The following NF2 variants were observed in gnomAD, a reference collection of about 807,000 sequenced individuals.
NF2 encodes the protein NF2, moesin-ezrin-radixin like (MERLIN) tumor suppressor, also known as merlin.
Under a neutral mutation model 83.7 loss-of-function variants are expected in NF2, and 8 were observed. The observed-to-expected ratio is 0.10, with a 90% CI of 0.06 to 0.17. The LOEUF (loss-of-function observed/expected upper bound fraction) is 0.17. Ranked by LOEUF, NF2 falls within the 10% of genes least tolerant of loss-of-function variation. The pLI is 1.00. For synonymous variants in NF2, 266 were observed against 269.6 expected (o/e 0.99, Z 0.13); for missense variants, 533 against 744.4 (o/e 0.72, Z 3.31).
At position 29,697,418 on chromosome 22, in the gene NF2, G is replaced by T. The variant is rs904757908; in HGVS notation, c.*2616G>T. The T allele has an allele frequency of 6.3e-5, 12 of 191,652 alleles. No individual in the cohort carries two copies. The highest frequency in any genetic ancestry group is 2.6e-4 in the African/African-American group (11 of 43,044). The allele number at this position is 191,652 out of a possible 1,614,324, so 11.9% of individuals were successfully genotyped here. ...CCAGGAGCACTTCCCCCTCCTTGAG[G>T]CAGGAATACTGAGGTGCCTCCCCAC... On this transcript the variant is annotated 3_prime_UTR_variant, in exon 16 of 16. Coordinates refer to ENST00000338641, the MANE Select transcript of NF2 (RefSeq NM_000268.4).
In NF2 at chr22:29,655,670, G is replaced by A. The variant is rs2146973900; in HGVS notation, c.593G>A (p.Arg198Gln). The A allele has an allele frequency of 3.1e-6, 5 of 1,612,602 alleles. No individual in the cohort carries two copies. The highest frequency in any genetic ancestry group is 4.2e-6 in the Non-Finnish European group (5 of 1,179,390). ...ITAWYAEHRGRARDEAEMEYL... is the reference protein window; with the variant it reads ...ITAWYAEHRGQARDEAEMEYL... ...GCTTGGTACGCAGAGCACCGAGGCC[G>A]AGCCAGGTGAGGCCCATTCATTGTT... Residue 198 changes from arginine (R) to glutamine (Q), a missense_variant, in exon 6 of 16, where the codon CGA (arginine) becomes CAA (glutamine). This residue lies in a region of NF2 where 326 missense variants were observed against 475.1 expected (regional missense o/e 0.69). Coordinates refer to ENST00000338641, the MANE Select transcript of NF2 (RefSeq NM_000268.4).
At chr22:29,668,280 C>A in intron 9 of NF2, 53 bp from the exon 10 acceptor site, 1 of 1,321,762 alleles carries the variant, frequency 7.6e-7, no homozygotes. Context: ...GGCCAGTAGG[C>A]AGTGAAGTAA....
intron 1 of NF2, among the ~76,000 whole-genome samples, chr22:29,615,017 C>CT (rs937899122): frequency 6.6e-6 from 1 of 152,068 alleles, no homozygotes; most frequent in African/African-American, 2.4e-5. Context: ...AACCCCATCT[C>CT]TACTAAAAAT....
Position 29,694,809 on chromosome 22 carries a change from A to G in NF2, c.*7A>G. ...CTTCTTTGAAGAGCTCTAGCAGGTG[A>G]CCCAGCCACCCCAGGACCTGCCACT... is the stretch of plus-strand genomic sequence containing the variant. On this transcript the variant is annotated 3_prime_UTR_variant, in exon 16 of 16. Transcript: ENST00000338641. The surrounding 1 kb of genome is among the most constrained non-coding windows in gnomAD (Gnocchi z 4.1). The G allele has an allele frequency of 6.2e-7, 1 of 1,608,536 alleles. No homozygotes were observed.
intron 1 of NF2, among the ~76,000 whole-genome samples, chr22:29,614,053 G>A (rs528603518): frequency 2.8e-4 from 42 of 149,886 alleles, no homozygotes; most frequent in African/African-American, 9.0e-4. Context: ...CACCGCACCC[G>A]GCCGGAATAG....
At chr22:29,627,185 A>G (rs980749101) in intron 1 of NF2, among the ~76,000 whole-genome samples, 12 of 152,230 alleles carry the variant, frequency 7.9e-5, no homozygotes, top group African/African-American at 2.7e-4. Flanking sequence ...AAAATGCTAC[A>G]TGGTTTATAC....
intron 4 of NF2, 72 bp from the exon 5 acceptor site, chr22:29,654,585 G>T (rs2146965553): frequency 7.9e-7 from 1 of 1,260,666 alleles, no homozygotes; most frequent in Non-Finnish European, 1.2e-6. Context: ...GAATGAGATT[G>T]GTCCAGCTCT....
At chr22:29,645,176 C>G (rs1038740961) in intron 4 of NF2, among the ~76,000 whole-genome samples, 2 of 152,004 alleles carry the variant, frequency 1.3e-5, no homozygotes, top group African/African-American at 4.8e-5. Context: ...CTAGTCAGAC[C>G]AATAGAAGCA....
chr22:29,648,328 TA>T (rs2066044119), intron 4 of NF2, among the ~76,000 whole-genome samples: 1 of 151,956 alleles, frequency 6.6e-6, no homozygotes, highest in Non-Finnish European at 1.5e-5. Context: ...AGAATGGTCA[TA>T]AATACAAAAA....
chr22:29,656,508 T>G (rs1213475944), intron 6 of NF2, among the ~76,000 whole-genome samples: 1 of 149,566 alleles, frequency 6.7e-6, no homozygotes, highest in Non-Finnish European at 1.5e-5. Flanking sequence ...GCCTCCCAGG[T>G]TCACGCCATT....
intron 15 of NF2, among the ~76,000 whole-genome samples, chr22:29,690,626 G>A (rs2067379397): frequency 6.6e-6 from 1 of 152,220 alleles, no homozygotes; most frequent in South Asian, 2.1e-4. Context: ...AGAAAAGGAA[G>A]TTCGTCTCCT....
chr22:29,645,604 C>T (rs111631878), intron 4 of NF2, among the ~76,000 whole-genome samples: 229 of 152,288 alleles, frequency 1.5e-3, no homozygotes, highest in African/African-American at 5.3e-3. Flanking sequence ...ACTTCCTGGC[C>T]TGGAGTTGAG....
At chr22:29,646,717 C>G (rs908030810) in intron 4 of NF2, among the ~76,000 whole-genome samples, 2 of 152,142 alleles carry the variant, frequency 1.3e-5, no homozygotes, top group Non-Finnish European at 2.9e-5. Context: ...GTTCAGTTAA[C>G]AAGAACCATA....
chr22:29,647,085 A>G (rs1392679376), intron 4 of NF2, among the ~76,000 whole-genome samples: 1 of 151,714 alleles, frequency 6.6e-6, no homozygotes, highest in Non-Finnish European at 1.5e-5. Context: ...CAGTCACATG[A>G]CACACTAAAC....
Position 29,619,244 on chromosome 22 carries a change from C to T in NF2, c.114+15132C>T, listed in dbSNP as rs1431811331. On this transcript the variant is annotated intron_variant, in intron 1 of 15. Coordinates refer to ENST00000338641, the MANE Select transcript of NF2 (RefSeq NM_000268.4). The stretch of plus-strand genomic sequence containing the variant: ...ATTTTTAGTAAAGACAGGGTTTCTC[C>T]ATGTTGGTCATGCTGGTCTCGAACT... Among the ~76,000 whole-genome samples, 4 of 152,142 alleles carry T rather than the reference C, an allele frequency of 2.6e-5. No homozygotes were observed. In the East Asian group the frequency reaches 5.8e-4, roughly 22 times the overall value.
At chr22:29,670,936 C>T (rs914001409) in intron 10 of NF2, among the ~76,000 whole-genome samples, 2 of 152,076 alleles carry the variant, frequency 1.3e-5, no homozygotes, top group South Asian at 4.2e-4. Flanking sequence ...TGCAGCTCCC[C>T]CCTGTGAAAT....
chr22:29,611,882 C>T (rs541666163), intron 1 of NF2, among the ~76,000 whole-genome samples: 17 of 152,242 alleles, frequency 1.1e-4, no homozygotes, highest in Admixed American at 5.9e-4. Flanking sequence ...ATTCCATTTA[C>T]AATAACCTAA....
intron 4 of NF2, among the ~76,000 whole-genome samples, chr22:29,646,669 A>G (rs1569288162): frequency 6.6e-6 from 1 of 152,256 alleles, no homozygotes; most frequent in African/African-American, 2.4e-5. Context: ...ATAAAGAAAC[A>G]ATTACCCTCA....
chr22:29,623,891 C>T (rs1176991523), intron 1 of NF2, among the ~76,000 whole-genome samples: 1 of 152,194 alleles, frequency 6.6e-6, no homozygotes, highest in African/African-American at 2.4e-5. Context: ...CATTCAAAGG[C>T]CCTCAGCTTT....
Sources: allele counts gnomAD v4.1 joint callset (sites outside exome capture counted in the v4.1 genomes callset), GRCh38; gene constraint gnomAD v4.1.1; regional missense constraint gnomAD v4.1.1; non-coding constraint Gnocchi (gnomAD v3.1); transcripts MANE v1.5; gene names NCBI Gene and HGNC (gene_info 2026-07-23, HGNC 2026-07-21).